The following MEGF6 variants were observed in gnomAD, a reference collection of about 807,000 sequenced individuals.
The protein encoded by MEGF6 is multiple epidermal growth factor-like domains protein 6.
MEGF6 carries 184 observed loss-of-function variants against 207.1 expected under a neutral mutation model. That is an observed-to-expected ratio of 0.89 (90% CI 0.79 to 1.00). The LOEUF is 1.00. Ranked by LOEUF, MEGF6 falls within the 50% of genes least tolerant of loss-of-function variation. The pLI is 0.00. For synonymous variants in MEGF6, 1,038 were observed against 910.0 expected (o/e 1.14, Z -2.53); for missense variants, 2,282 against 2,202.9 (o/e 1.04, Z -0.72).
At chr1:3,598,490 G>T (rs975324036) in intron 2 of MEGF6, among the ~76,000 whole-genome samples, 1 of 105,518 alleles carries the variant, frequency 9.5e-6, no homozygotes, top group African/African-American at 3.0e-5. Context: ...GGGCCTGTGC[G>T]TGGTAAATAT....
intron 3 of MEGF6, among the ~76,000 whole-genome samples, chr1:3,586,063 A>G (rs763545514): frequency 1.3e-4 from 19 of 143,686 alleles, no homozygotes; most frequent in Non-Finnish European, 2.4e-4. Flanking sequence ...GTGAGTGTGG[A>G]CACACGTGCT....
intron 4 of MEGF6, among the ~76,000 whole-genome samples, chr1:3,566,095 G>A (rs1006257270): frequency 1.3e-5 from 2 of 152,184 alleles, no homozygotes; most frequent in Non-Finnish European, 2.9e-5. Flanking sequence ...AGCACCGGCT[G>A]GAGACTTTAG....
chr1:3,623,990 G>A, the MEGF6 span, among the ~76,000 whole-genome samples: 1 of 152,134 alleles, frequency 6.6e-6, no homozygotes, highest in Admixed American at 6.5e-5. Flanking sequence ...TCCCTGCCCG[G>A]TTCTCATCCC....
chr1:3,605,675 C>T (rs1231907541), intron 1 of MEGF6, among the ~76,000 whole-genome samples: 1 of 151,090 alleles, frequency 6.6e-6, no homozygotes, highest in Admixed American at 6.6e-5. Context: ...AACTCACACA[C>T]ACTCGCACAC....
intron 4 of MEGF6, among the ~76,000 whole-genome samples, chr1:3,541,357 G>A (rs1216191182): frequency 2.6e-5 from 4 of 152,238 alleles, no homozygotes; most frequent in African/African-American, 9.6e-5. Context: ...ACAAAGTCCT[G>A]GAAGCATTAA....
chr1:3,538,464 T>C (rs1032691190), intron 4 of MEGF6, among the ~76,000 whole-genome samples: 1 of 152,234 alleles, frequency 6.6e-6, no homozygotes, highest in Admixed American at 6.5e-5. Flanking sequence ...AAACCACCGC[T>C]GTTTCCGCGA....
intron 4 of MEGF6, among the ~76,000 whole-genome samples, chr1:3,566,846 G>C (rs1476391628): frequency 2.6e-5 from 4 of 152,278 alleles, no homozygotes; most frequent in Non-Finnish European, 5.9e-5. Flanking sequence ...CCAGACTCAG[G>C]AGGCAGCAGT....
intron 4 of MEGF6, among the ~76,000 whole-genome samples, chr1:3,527,619 C>T (rs570611994): frequency 1.2e-4 from 19 of 152,320 alleles, no homozygotes; most frequent in African/African-American, 2.2e-4. Flanking sequence ...TAACGGGCCC[C>T]CAACAGCGCC....
chr1:3,617,320 T>A, the MEGF6 span, among the ~76,000 whole-genome samples: 1 of 150,498 alleles, frequency 6.6e-6, no homozygotes, highest in East Asian at 2.0e-4. Context: ...GGTTGAAGAG[T>A]GGCCTCCAAA....
chr1:3,592,559 C>T (rs1372798592), intron 3 of MEGF6, among the ~76,000 whole-genome samples: 1 of 152,200 alleles, frequency 6.6e-6, no homozygotes, highest in Non-Finnish European at 1.5e-5. Flanking sequence ...ACCCCCAGGA[C>T]TCGGCAGCAG....
At chr1:3,619,044 T>G in the MEGF6 span, among the ~76,000 whole-genome samples, 1 of 152,146 alleles carries the variant, frequency 6.6e-6, no homozygotes, top group Non-Finnish European at 1.5e-5. Context: ...CCATAACATG[T>G]GGAAATTAAG....
chr1:3,587,771 C>G lies in MEGF6; in HGVS notation c.376+7567G>C, dbSNP rs144991283. 3.4e-4 allele frequency among the ~76,000 whole-genome samples: 51 copies of G among 152,126 alleles called. 1 individual carries two copies. Among genetic ancestry groups the G allele is most frequent in the African/African-American group, 1.2e-3 (51 of 41,472 alleles). ...CAACACCTCCCTGCAGACTCAAAGC[C>G]TGCGCAGGCCATGGATTTCCTGAGA... On this transcript the variant is annotated intron_variant, in intron 3 of 36. Transcript: ENST00000356575.
rs776887726 is a variant in MEGF6, at chr1:3,602,517, A to G, written c.215T>C (p.Val72Ala). The G allele has an allele frequency of 6.8e-6, 11 of 1,613,206 alleles. No homozygotes were observed. The highest frequency in any genetic ancestry group is 1.7e-5 in the Admixed American group (1 of 59,990). Residue 72 changes from valine (V) to alanine (A), a missense_variant, in exon 2 of 37, where the codon GTG becomes GCG. Transcript: ENST00000356575. ...CTGCCACCCACAGCCGGCCTTCCAC[A>G]CCGGCACCGTGTGGCTTAAGGCCTG... The part of the protein sequence containing the change: ...CVQALSHTVP[V>A]WKAGCGWQAW...
rs1231499923 is a variant in MEGF6 at position 3,541,462 on chromosome 1, G to A, written c.482-17216C>T. 3.9e-5 allele frequency among the ~76,000 whole-genome samples: 6 copies of A among 152,374 alleles called. No homozygotes were observed. The East Asian group carries it at 9.6e-4, about 24-fold the overall frequency. ...GTGTTGCTCCCACAGGAAGGTCAGAGAAAAAGCTCCAGCACCAAGGGGCTC... is the reference window on the plus strand; with the variant it reads ...GTGTTGCTCCCACAGGAAGGTCAGAAAAAAAGCTCCAGCACCAAGGGGCTC... On this transcript the variant is annotated intron_variant, in intron 4 of 36. Transcript: ENST00000356575.
At chr1:3,577,654 C>A (rs1643678249) in intron 4 of MEGF6, among the ~76,000 whole-genome samples, 1 of 152,222 alleles carries the variant, frequency 6.6e-6, no homozygotes, top group Non-Finnish European at 1.5e-5. Flanking sequence ...GGATGCTGAG[C>A]CCCGGGCCCA....
chr1:3,560,385 T>A lies in MEGF6; in HGVS notation c.481+19440A>T, dbSNP rs1430315701. Among the ~76,000 whole-genome samples the A allele has an allele frequency of 1.3e-5, 2 of 152,172 alleles. No individual in the cohort carries two copies. Among genetic ancestry groups the A allele is most frequent in the African/African-American group, 2.4e-5 (1 of 41,424 alleles). ...TCCATGGACTTGGACAAGTGTCTCA[T>A]GGCCTGGATCCACCATTGTAAGATC... On this transcript the variant is annotated intron_variant, in intron 4 of 36. Coordinates refer to ENST00000356575, the MANE Select transcript of MEGF6 (RefSeq NM_001409.4). This position sits in a 1 kb window ranked among gnomAD's most constrained non-coding sequence, Gnocchi z 4.0.
chr1:3,497,468 G>T, intron 26 of MEGF6, 107 bp from the exon 27 acceptor site: 4 of 1,307,240 alleles, frequency 3.1e-6, no homozygotes, highest in Non-Finnish European at 3.1e-6. Flanking sequence ...CCCAATGCTG[G>T]CTGAACTGGG....
intron 2 of MEGF6, among the ~76,000 whole-genome samples, chr1:3,599,432 GAAT>G (rs979171225): frequency 6.6e-6 from 1 of 152,264 alleles, no homozygotes; most frequent in Admixed American, 6.5e-5. Flanking sequence ...ACCAACTGGA[GAAT>G]TACCAGTGGA....
intron 1 of MEGF6, among the ~76,000 whole-genome samples, chr1:3,603,900 C>T (rs533097555): frequency 6.6e-6 from 1 of 152,336 alleles, no homozygotes; most frequent in South Asian, 2.1e-4. Context: ...TTTCCTGGGG[C>T]TCGTGCTGTG....
Sources: gnomAD v4.1 joint callset for allele counts (sites outside exome capture counted in the v4.1 genomes callset) on GRCh38, gnomAD v4.1.1 for gene constraint, Gnocchi (gnomAD v3.1) non-coding constraint, MANE v1.5 for transcripts, NCBI Gene and HGNC (gene_info 2026-07-23, HGNC 2026-07-21) for gene names.